The following TRPC4 variants were observed in gnomAD, a reference collection of about 807,000 sequenced individuals.
TRPC4 encodes short transient receptor potential channel 4.
In TRPC4, 49 loss-of-function variants were observed where a neutral mutation model predicts 99.4. The ratio of observed to expected loss-of-function variants is 0.49; its 90% CI spans 0.39 to 0.63. The LOEUF (loss-of-function observed/expected upper bound fraction) is 0.63. TRPC4 is among the 20% of genes least tolerant of loss of function. TRPC4 has a pLI of 0.00. For synonymous variants in TRPC4, 454 were observed against 425.9 expected (o/e 1.07, Z -0.81); for missense variants, 898 against 1,152.9 (o/e 0.78, Z 3.20).
At chr13:37,813,428 AG>A (rs1394093665) in intron 1 of TRPC4, among the ~76,000 whole-genome samples, 3 of 151,754 alleles carry the variant, frequency 2.0e-5, no homozygotes, top group African/African-American at 7.2e-5. Flanking sequence ...GAGAAACAAT[AG>A]GAAGAATCAA....
intron 3 of TRPC4, among the ~76,000 whole-genome samples, chr13:37,731,075 T>C (rs1382509240): frequency 6.6e-6 from 1 of 152,032 alleles, no homozygotes; most frequent in East Asian, 1.9e-4. Flanking sequence ...TATATTATAT[T>C]TTGTATAAAA....
chr13:37,853,555 T>A (rs1388348004), intron 1 of TRPC4, among the ~76,000 whole-genome samples: 1 of 152,116 alleles, frequency 6.6e-6, no homozygotes, highest in African/African-American at 2.4e-5. Context: ...CAGGAAAATA[T>A]ATGACTTCAA....
chr13:37,779,674 C>T lies in TRPC4; in HGVS notation c.378+3282G>A, dbSNP rs570596973. Among the ~76,000 whole-genome samples, 56 of 152,076 alleles carry T rather than the reference C, an allele frequency of 3.7e-4. 1 individual carries two copies. Among genetic ancestry groups the T allele is most frequent in the African/African-American group, 1.3e-3 (53 of 41,518 alleles). The stretch of plus-strand genomic sequence containing the variant: ...TGATTTTATTTGCTTCAATGTCCTC[C>T]TTATCATCTACATAACAATCCCAGA... On this transcript the variant is annotated intron_variant, in intron 2 of 10. Coordinates refer to ENST00000379705, the MANE Select transcript of TRPC4 (RefSeq NM_016179.4).
chr13:37,838,038 G>A (rs1230113140), intron 1 of TRPC4, among the ~76,000 whole-genome samples: 1 of 152,124 alleles, frequency 6.6e-6, no homozygotes, highest in African/African-American at 2.4e-5. Flanking sequence ...GACGTGACTT[G>A]TTCCTCCTTG....
At chr13:37,730,646 C>T (rs1044763384) in intron 3 of TRPC4, among the ~76,000 whole-genome samples, 5 of 151,850 alleles carry the variant, frequency 3.3e-5, no homozygotes, top group African/African-American at 1.2e-4. Flanking sequence ...TGGTAGGCAA[C>T]CTTGATCTCT....
At chr13:37,751,203 C>T (rs536291715) in intron 2 of TRPC4, among the ~76,000 whole-genome samples, 38 of 152,198 alleles carry the variant, frequency 2.5e-4, no homozygotes, top group Admixed American at 5.9e-4. Flanking sequence ...TACGACATGG[C>T]TTGCTAGGCA....
At position 37,636,898 on chromosome 13, in the gene TRPC4, A is replaced by G. The variant is rs1416999628; in HGVS notation, c.*5T>C. 3 of 1,604,978 alleles carry G rather than the reference A, an allele frequency of 1.9e-6. No homozygotes were observed. The highest frequency in any genetic ancestry group is 2.6e-6 in the Non-Finnish European group (3 of 1,175,172). ...GTGTATGGTAAACGCTTCCTCCTTC[A>G]AGTATCACAATCTTGTGGTCACGTA... is the stretch of plus-strand genomic sequence containing the variant. On this transcript the variant is annotated 3_prime_UTR_variant, in exon 11 of 11. Coordinates refer to ENST00000379705, the MANE Select transcript of TRPC4 (RefSeq NM_016179.4).
At chr13:37,806,770 C>T (rs17056697) in intron 1 of TRPC4, among the ~76,000 whole-genome samples, 2,824 of 152,062 alleles carry the variant, frequency 0.019, 47 homozygotes, top group Middle Eastern at 0.055. Flanking sequence ...ATTGCTCTTC[C>T]AGTTTTACCT....
Position 37,859,061 on chromosome 13 carries a change from A to G in TRPC4, c.-28+10534T>C, listed in dbSNP as rs1013273472. 2.6e-5 allele frequency among the ~76,000 whole-genome samples: 4 copies of G among 151,488 alleles called. No individual in the cohort carries two copies. In the East Asian group the frequency reaches 5.8e-4, roughly 22 times the overall value. On this transcript the variant is annotated intron_variant, in intron 1 of 10. Transcript: ENST00000379705. Reference sequence around the variant, plus strand: ...TTGTACCCCATAAATACATACACCTACTATGTACACAAAAAATTAAAAATA... The same window carrying G: ...TTGTACCCCATAAATACATACACCTGCTATGTACACAAAAAATTAAAAATA...
chr13:37,842,181 A>C (rs1189996548), intron 1 of TRPC4, among the ~76,000 whole-genome samples: 1 of 151,232 alleles, frequency 6.6e-6, no homozygotes, highest in Non-Finnish European at 1.5e-5. Flanking sequence ...GATGCAGGAG[A>C]AATGCATGAA....
At position 37,636,309 on chromosome 13, in the gene TRPC4, T is replaced by G. The variant is rs1225543293; in HGVS notation, c.*594A>C. Reference sequence around the variant, plus strand: ...ACTGAAAGGAAACCCTGGAACAACCTAAAACACTACAAAGTTTTTCTGAAT... The same window carrying G: ...ACTGAAAGGAAACCCTGGAACAACCGAAAACACTACAAAGTTTTTCTGAAT... On this transcript the variant is annotated 3_prime_UTR_variant, in exon 11 of 11. Transcript: ENST00000379705. Among the ~76,000 whole-genome samples the G allele has an allele frequency of 2.0e-5, 3 of 152,082 alleles. No homozygotes were observed. Among genetic ancestry groups the G allele is most frequent in the Admixed American group, 2.0e-4 (3 of 15,236 alleles).
At chr13:37,651,652 C>A (rs1391575445) in intron 7 of TRPC4, among the ~76,000 whole-genome samples, 193 bp from the exon 8 acceptor site, 1 of 152,172 alleles carries the variant, frequency 6.6e-6, no homozygotes, top group Non-Finnish European at 1.5e-5. Context: ...GTAGTCACAG[C>A]TCTCGTGTCA....
intron 3 of TRPC4, among the ~76,000 whole-genome samples, chr13:37,727,476 G>T (rs373097270): frequency 3.7e-4 from 57 of 152,006 alleles, no homozygotes; most frequent in African/African-American, 1.3e-3. Context: ...AGAACAGAAA[G>T]ATCTCAAGTT....
chr13:37,727,818 G>A (rs1955112102), intron 3 of TRPC4, among the ~76,000 whole-genome samples: 1 of 151,852 alleles, frequency 6.6e-6, no homozygotes, highest in African/African-American at 2.4e-5. Context: ...GCAAATTTTT[G>A]GAAACACAAA....
intron 1 of TRPC4, among the ~76,000 whole-genome samples, chr13:37,860,687 A>G (rs1329404209): frequency 1.3e-5 from 2 of 151,462 alleles, no homozygotes; most frequent in African/African-American, 4.8e-5. Context: ...GATTTTCACC[A>G]TATGCACCAC....
At chr13:37,650,883 G>A (rs9548002) in intron 8 of TRPC4, among the ~76,000 whole-genome samples, 148,926 of 152,256 alleles carry the variant, frequency 0.98, 72,909 homozygotes, top group East Asian at 1. Flanking sequence ...TGGAGCATAC[G>A]ATCCAGAGGG....
intron 2 of TRPC4, among the ~76,000 whole-genome samples, chr13:37,756,534 T>C (rs896116332): frequency 1.5e-4 from 20 of 132,224 alleles, no homozygotes; most frequent in African/African-American, 5.2e-4. Flanking sequence ...CTTTTTTTTT[T>C]CTTTTTTTTT....
chr13:37,867,967 C>A (rs1489311411), intron 1 of TRPC4, among the ~76,000 whole-genome samples: 1 of 152,022 alleles, frequency 6.6e-6, no homozygotes. Flanking sequence ...TTAAAATTTC[C>A]TCTAATGAGA....
intron 5 of TRPC4, among the ~76,000 whole-genome samples, chr13:37,666,039 G>A (rs1160372173): frequency 7.9e-5 from 12 of 152,074 alleles, no homozygotes; most frequent in Admixed American, 7.9e-4. Context: ...GTTAAAGGAT[G>A]TTTGAATGGG....
Sources: allele counts gnomAD v4.1 joint callset (sites outside exome capture counted in the v4.1 genomes callset), GRCh38; gene constraint gnomAD v4.1.1; transcripts MANE v1.5; gene names NCBI Gene and HGNC (gene_info 2026-07-23, HGNC 2026-07-21).